Variants in CMC4 observed in about 807,000 individuals in gnomAD.
The protein encoded by CMC4 is C-X9-C motif containing 4.
Under a neutral mutation model 5.1 loss-of-function variants are expected in CMC4, and 4 were observed. The observed-to-expected ratio is 0.78, with a 90% CI of 0.38 to 1.78. The LOEUF (loss-of-function observed/expected upper bound fraction) is 1.78. Ranked by LOEUF, CMC4 falls within the 40% of genes most tolerant of loss-of-function variation. The pLI is 0.04. For synonymous variants in CMC4, 23 were observed against 18.9 expected (o/e 1.22, Z -0.57); for missense variants, 52 against 51.3 (o/e 1.01, Z -0.04).
rs782434570 is a variant in CMC4 at position 155,061,855 on chromosome X, A to C, written c.195T>G (p.Ser65=). The part of the protein sequence containing the change: ...KEEEENLTRK[S]ASK ...CTTCAGAAGAACTTTACTTTGATGC[A>C]GACTTCCGTGTTAGGTTTTCTTCCT... Residue 65 remains serine (S), a synonymous_variant, in exon 3 of 3, where the codon TCT becomes TCG. Coordinates refer to ENST00000369484, the MANE Select transcript of CMC4 (RefSeq NM_001018024.3). 1.7e-6 allele frequency: 2 copies of C among 1,207,889 alleles called. No homozygotes were observed. Among genetic ancestry groups the C allele is most frequent in the Non-Finnish European group, 2.2e-6 (2 of 893,712 alleles).
rs1557291613 is a variant in CMC4 at position 155,061,625 on chromosome X, TTC to T, written c.*216_*217del. On this transcript the variant is annotated 3_prime_UTR_variant, in exon 3 of 3. Coordinates refer to ENST00000369484, the MANE Select transcript of CMC4 (RefSeq NM_001018024.3). Reference sequence around the variant, plus strand: ...TACATTTAGTACAAAACCCAAATTTTTCTCTTAAACAGGTTTATTTTAGCAGC... The same window carrying T: ...TACATTTAGTACAAAACCCAAATTTTTCTTAAACAGGTTTATTTTAGCAGC... The T allele has an allele frequency of 6.0e-6, 2 of 335,867 alleles. No individual in the cohort carries two copies. Among genetic ancestry groups the T allele is most frequent in the African/African-American group, 5.3e-5 (2 of 37,626 alleles). The allele number at this position is 335,867 out of a possible 1,213,427, so 27.7% of individuals were successfully genotyped here.
At chrX:155,066,074 C>T (rs1366828355) in intron 1 of CMC4, 22 of 914,498 alleles carry the variant, frequency 2.4e-5, no homozygotes, top group Middle Eastern at 3.8e-4. Flanking sequence ...CACCCGCGCA[C>T]AGGACACAGG....
At chrX:155,067,472 C>T (rs932718233) in intron 1 of CMC4, among the ~76,000 whole-genome samples, 1 of 111,602 alleles carries the variant, frequency 9.0e-6, no homozygotes, top group Admixed American at 9.5e-5. Context: ...ACCAACTTTC[C>T]CCAAATACCA....
rs1288538266 is a variant in CMC4 at position 155,064,790 on chromosome X, G to A, written c.-10-757C>T. On this transcript the variant is annotated intron_variant, in intron 1 of 2. Coordinates refer to ENST00000369484, the MANE Select transcript of CMC4 (RefSeq NM_001018024.3). ...GCAACTTCCAGTAATTTGAAGACAC[G>A]ATTTCAGATAGAAAAAAAGGCCCAC... is the stretch of plus-strand genomic sequence containing the variant. 2.7e-5 allele frequency: 3 copies of A among 112,013 alleles called. 1 individual carries two copies. Among genetic ancestry groups the A allele is most frequent in the South Asian group, 7.4e-4 (2 of 2,719 alleles). 9.2% of individuals were successfully genotyped at this position (112,013 alleles called of 1,213,427 possible). A position where few individuals can be genotyped will look rare whatever the true frequency, so the allele number is the denominator to read the frequency against.
rs1245316238 is a variant in CMC4 at position 155,061,980 on chromosome X, T to C, written c.70A>G (p.Met24Val). Residue 24 changes from methionine to valine, a missense_variant, in exon 3 of 3, where the codon ATG becomes GTG. Coordinates refer to ENST00000369484, the MANE Select transcript of CMC4 (RefSeq NM_001018024.3). Reference protein sequence around the residue: ...IQKCLQANSYMESKCQAVIQE... With the variant: ...IQKCLQANSYVESKCQAVIQE... The stretch of plus-strand genomic sequence containing the variant: ...ATGACAGCCTGACACTTTGATTCCA[T>C]GTAGCTGTTGGCTGAAAAACATACA... 3 of 1,208,180 alleles carry C rather than the reference T, an allele frequency of 2.5e-6. No homozygotes were observed. The highest frequency in any genetic ancestry group is 3.4e-6 in the Non-Finnish European group (3 of 894,409).
At chrX:155,065,599 T>C in intron 1 of CMC4, 1 of 1,209,655 alleles carries the variant, frequency 8.3e-7, no homozygotes, top group Non-Finnish European at 1.1e-6. Context: ...CAATGGAAAA[T>C]AATTAAGCAA....
intron 1 of CMC4, chrX:155,066,130 C>G (rs1557292007): frequency 6.0e-6 from 3 of 499,675 alleles, no homozygotes; most frequent in African/African-American, 4.7e-5. Context: ...GCAAGGTGAT[C>G]TGGTACTAGC....
chrX:155,069,069 G>A (rs1466578269), intron 1 of CMC4, among the ~76,000 whole-genome samples: 3 of 112,654 alleles, frequency 2.7e-5, no homozygotes, highest in Non-Finnish European at 3.8e-5. Context: ...TCTTAGTAAG[G>A]CATTTTGTAA....
intron 1 of CMC4, among the ~76,000 whole-genome samples, chrX:155,068,772 AGAG>A (rs2073958346): frequency 8.9e-6 from 1 of 112,569 alleles, no homozygotes; most frequent in African/African-American, 3.2e-5. Context: ...TTATTTGACT[AGAG>A]AACATTTTAT....
chrX:155,065,633 G>C (rs2073945394), intron 1 of CMC4: 9 of 1,209,504 alleles, frequency 7.4e-6, no homozygotes, highest in African/African-American at 1.8e-5. Flanking sequence ...AAATGATGCT[G>C]TATCTGCCAC....
At position 155,061,881 on chromosome X, in the gene CMC4, CTTCT is replaced by C. The variant is rs782458015; in HGVS notation, c.165_168del (p.Glu56ArgfsTer5). On this transcript the variant is annotated frameshift_variant, in exon 3 of 3. Transcript: ENST00000369484. LOFTEE classifies it high-confidence loss of function. ...GACTTCCGTGTTAGGTTTTCTTCCT[CTTCT>C]TTTTCAAATCCTGAACAGACGACAG... The C allele has an allele frequency of 1.7e-5, 21 of 1,209,379 alleles. No homozygotes were observed. Among genetic ancestry groups the C allele is most frequent in the Non-Finnish European group, 2.3e-5 (21 of 894,865 alleles).
intron 1 of CMC4, among the ~76,000 whole-genome samples, chrX:155,068,570 AGG>A: frequency 8.9e-6 from 1 of 112,424 alleles, no homozygotes; most frequent in East Asian, 2.8e-4. Flanking sequence ...GCTGAGGGAG[AGG>A]GATTCAGATC....
chrX:155,061,810 G>C lies in CMC4; in HGVS notation c.*33C>G. The stretch of plus-strand genomic sequence containing the variant: ...TCAGGAGGATAAAAAAAATTCATTT[G>C]GTGGAAACATGGAGCAGCACTTCAG... On this transcript the variant is annotated 3_prime_UTR_variant, in exon 3 of 3. Coordinates refer to ENST00000369484, the MANE Select transcript of CMC4 (RefSeq NM_001018024.3). 8.4e-7 allele frequency: 1 copy of C among 1,193,409 alleles called. No individual in the cohort carries two copies. The highest frequency in any genetic ancestry group is 1.1e-6 in the Non-Finnish European group (1 of 885,512).
chrX:155,069,517 G>GC (rs1176451414), intron 1 of CMC4, among the ~76,000 whole-genome samples: 6 of 111,868 alleles, frequency 5.4e-5, no homozygotes, highest in African/African-American at 2.0e-4. Flanking sequence ...TCTTCATAGG[G>GC]CGCTATGAGG....
At chrX:155,063,864 T>A in intron 2 of CMC4, 102 bp downstream of exon 2, 1 of 617,480 alleles carries the variant, frequency 1.6e-6, no homozygotes, top group Admixed American at 3.6e-5. Context: ...TACATATACG[T>A]TACATTCTTA....
Position 155,064,035 on chromosome X carries a change from TAAAAC to T in CMC4, c.-10-7_-10-3del. On this transcript the variant is annotated splice_polypyrimidine_tract_variant and splice_region_variant and intron_variant, in intron 1 of 2. Coordinates refer to ENST00000369484, the MANE Select transcript of CMC4 (RefSeq NM_001018024.3). Reference sequence around the variant, plus strand: ...TCCTTCTGCGGCATATCCAGAAAACTAAAACAAGAAAAATGATTTTTATTTTTCTT... The same window carrying T: ...TCCTTCTGCGGCATATCCAGAAAACTAAGAAAAATGATTTTTATTTTTCTT... 1 of 1,178,445 alleles carries T rather than the reference TAAAAC, an allele frequency of 8.5e-7. No individual in the cohort carries two copies. Among genetic ancestry groups the T allele is most frequent in the South Asian group, 1.9e-5 (1 of 52,085 alleles).
chrX:155,065,674 T>C, intron 1 of CMC4: 1 of 1,211,792 alleles, frequency 8.3e-7, no homozygotes, highest in Non-Finnish European at 1.1e-6. Context: ...GTAGCGCTCC[T>C]CCGGGTAGAG....
At chrX:155,063,350 A>G (rs1322512354) in intron 2 of CMC4, among the ~76,000 whole-genome samples, 1 of 112,063 alleles carries the variant, frequency 8.9e-6, no homozygotes, top group African/African-American at 3.2e-5. Context: ...AGTGAGGAAA[A>G]CTTATTAAAA....
At chrX:155,065,576 G>A (rs372751304) in intron 1 of CMC4, 10 of 1,206,719 alleles carry the variant, frequency 8.3e-6, no homozygotes, top group Admixed American at 4.3e-5. Context: ...ACTCTGTTAC[G>A]AGAGTCCCAG....
Sources: gnomAD v4.1 joint callset for allele counts (sites outside exome capture counted in the v4.1 genomes callset) on GRCh38, gnomAD v4.1.1 for gene constraint, MANE v1.5 for transcripts, NCBI Gene and HGNC (gene_info 2026-07-23, HGNC 2026-07-21) for gene names.